The following SLK variants were observed in gnomAD, a reference collection of about 807,000 sequenced individuals.
SLK encodes STE20 like kinase.
SLK carries 67 observed loss-of-function variants against 147.7 expected under a neutral mutation model. The observed-to-expected ratio is 0.45, with a 90% CI of 0.37 to 0.56. The LOEUF (loss-of-function observed/expected upper bound fraction) is 0.56, where lower values mean the gene tolerates loss of function less well. Ranked by LOEUF, SLK falls within the 20% of genes least tolerant of loss-of-function variation. The pLI, the probability that SLK is intolerant of heterozygous loss-of-function variation, is 0.00. For synonymous variants in SLK, 441 were observed against 475.0 expected (o/e 0.93, Z 0.93); for missense variants, 1,136 against 1,438.8 (o/e 0.79, Z 3.41).
chr10:104,024,220 G>C (rs1196147383), intron 18 of SLK, among the ~76,000 whole-genome samples: 3 of 152,136 alleles, frequency 2.0e-5, no homozygotes, highest in African/African-American at 7.2e-5. Flanking sequence ...CTATCCTGGT[G>C]CTTGTTTAAA....
Position 103,998,910 on chromosome 10 carries a change from G to A in SLK, c.526G>A (p.Val176Ile). The change falls in exon 5 of 19, where the codon GTA (valine) becomes ATA (isoleucine). Residue 176 changes from valine to isoleucine, a missense_variant. Around this residue, in one of 6 missense-constraint regions of SLK, gnomAD observed 141 missense variants for 219.3 expected, o/e 0.64. Transcript: ENST00000369755. ...GTGATTATTTCAAGCGGATTTTGGA[G>A]TATCAGCTAAAAACACGAGGACAAT... ...DGDIKLADFG[V>I]SAKNTRTIQR... 6.2e-7 allele frequency: 1 copy of A among 1,610,382 alleles called. No homozygotes were observed. Among genetic ancestry groups the A allele is most frequent in the Non-Finnish European group, 8.5e-7 (1 of 1,176,798 alleles).
At chr10:104,025,396 C>G (rs1281028861) in intron 18 of SLK, among the ~76,000 whole-genome samples, 178 bp from the exon 19 acceptor site, 1 of 152,128 alleles carries the variant, frequency 6.6e-6, no homozygotes, top group African/African-American at 2.4e-5. Flanking sequence ...TGTGGCTGAG[C>G]TGGACTTGCA....
At chr10:103,977,104 T>C (rs1400311228) in intron 1 of SLK, among the ~76,000 whole-genome samples, 1 of 152,222 alleles carries the variant, frequency 6.6e-6, no homozygotes, top group African/African-American at 2.4e-5. Context: ...TATTCATTTG[T>C]CTATTAAAAT....
At chr10:104,004,843 A>G (rs531627571) in intron 9 of SLK, among the ~76,000 whole-genome samples, 1 of 152,262 alleles carries the variant, frequency 6.6e-6, no homozygotes, top group African/African-American at 2.4e-5. Flanking sequence ...GTTTTTGGAT[A>G]CCAGTTGAGG....
At chr10:103,999,438 A>G (rs979960367) in intron 6 of SLK, 125 bp downstream of exon 6, 7 of 695,962 alleles carry the variant, frequency 1.0e-5, no homozygotes, top group Non-Finnish European at 1.6e-5. Context: ...GACTATATGA[A>G]TTAGAAAAGT....
In SLK at chr10:103,993,105, C is replaced by T; in HGVS notation, c.486C>T (p.Leu162=). 2 of 1,609,828 alleles carry T rather than the reference C, an allele frequency of 1.2e-6. No homozygotes were observed. Among genetic ancestry groups the T allele is most frequent in the Non-Finnish European group, 1.7e-6 (2 of 1,177,654 alleles). ...IHRDLKAGNI[L]FTLDGDIKLA... is the part of the protein sequence containing the mutation. ...GAGATCTGAAGGCTGGCAACATTCT[C>T]TTTACCTTAGATGGAGATATCAAAT... The change falls in exon 4 of 19, where the codon CTC becomes CTT. Residue 162 remains leucine (L), a synonymous_variant. Coordinates refer to ENST00000369755, the MANE Select transcript of SLK (RefSeq NM_014720.4).
chr10:104,001,663 C>A, intron 8 of SLK, 91 bp downstream of exon 8: 3 of 1,380,142 alleles, frequency 2.2e-6, no homozygotes, highest in South Asian at 2.6e-5. Flanking sequence ...TGGGTGGCAA[C>A]GCAAAACCTT....
chr10:104,019,976 A>G (rs1844513934), intron 16 of SLK, 54 bp downstream of exon 16: 5 of 1,375,588 alleles, frequency 3.6e-6, no homozygotes, highest in Non-Finnish European at 5.1e-6. Context: ...TTGAATGACC[A>G]TTAGAAGTTC....
At chr10:104,018,038 C>A in intron 13 of SLK, 122 bp from the exon 14 acceptor site, 1 of 695,440 alleles carries the variant, frequency 1.4e-6, no homozygotes, top group Non-Finnish European at 2.3e-6. Flanking sequence ...ATTTTAAAAT[C>A]CAGCTAACTT....
intron 1 of SLK, among the ~76,000 whole-genome samples, chr10:103,987,430 G>A (rs1216495642): frequency 2.6e-5 from 4 of 152,122 alleles, no homozygotes. Context: ...GCAGGTTCCT[G>A]TTAAGTGACA....
At chr10:104,000,297 T>C (rs1276754572) in intron 7 of SLK, among the ~76,000 whole-genome samples, 1 of 152,236 alleles carries the variant, frequency 6.6e-6, no homozygotes, top group Non-Finnish European at 1.5e-5. Flanking sequence ...TATTGTTGAC[T>C]TAAAAAAATG....
chr10:104,006,945 A>G (rs1364692487), intron 11 of SLK, among the ~76,000 whole-genome samples: 1 of 152,146 alleles, frequency 6.6e-6, no homozygotes, highest in Non-Finnish European at 1.5e-5. Context: ...TAAAAAGAAA[A>G]CATCCATTAC....
intron 11 of SLK, among the ~76,000 whole-genome samples, chr10:104,007,176 CAAAT>C (rs956891349): frequency 5.3e-4 from 80 of 152,132 alleles, no homozygotes; most frequent in Middle Eastern, 3.4e-3. Flanking sequence ...AAGTAGACCT[CAAAT>C]AAGCTCTTTG....
intron 8 of SLK, 74 bp downstream of exon 8, chr10:104,001,646 G>C: frequency 1.3e-6 from 2 of 1,529,028 alleles, no homozygotes; most frequent in South Asian, 2.4e-5. Context: ...CTGTATCTAA[G>C]GATTGATGGG....
intron 4 of SLK, among the ~76,000 whole-genome samples, chr10:103,994,357 A>G (rs1173927053): frequency 6.6e-6 from 1 of 152,112 alleles, no homozygotes; most frequent in Non-Finnish European, 1.5e-5. Flanking sequence ...TCCACATTTT[A>G]TCCTGACTTT....
intron 11 of SLK, 119 bp from the exon 12 acceptor site, chr10:104,008,058 A>T (rs1350938812): frequency 3.1e-6 from 2 of 643,952 alleles, no homozygotes; most frequent in Non-Finnish European, 5.1e-6. Context: ...AGTATTGTGA[A>T]GGTTATAGTA....
chr10:104,014,755 A>C (rs954724478), intron 13 of SLK, among the ~76,000 whole-genome samples: 8 of 152,190 alleles, frequency 5.3e-5, no homozygotes, highest in African/African-American at 1.9e-4. Flanking sequence ...TAATATGATA[A>C]AATTGTTTAT....
At chr10:104,001,238 T>G (rs548691844) in intron 7 of SLK, among the ~76,000 whole-genome samples, 1 of 152,280 alleles carries the variant, frequency 6.6e-6, no homozygotes, top group East Asian at 1.9e-4. Context: ...CTTAAAAATG[T>G]ACAGATCCAG....
At chr10:103,985,695 C>T (rs1844003720) in intron 1 of SLK, among the ~76,000 whole-genome samples, 1 of 151,918 alleles carries the variant, frequency 6.6e-6, no homozygotes, top group South Asian at 2.1e-4. Context: ...CTTTCAGTTT[C>T]CAGCTAAAAA....
Sources: allele counts gnomAD v4.1 joint callset (sites outside exome capture counted in the v4.1 genomes callset), GRCh38; gene constraint gnomAD v4.1.1; regional missense constraint gnomAD v4.1.1; transcripts MANE v1.5; gene names NCBI Gene and HGNC (gene_info 2026-07-23, HGNC 2026-07-21).